FAM162A: variants seen among roughly 807,000 people sequenced by gnomAD.
The protein encoded by FAM162A is family with sequence similarity 162 member A.
A neutral mutation model predicts 21.8 loss-of-function variants in FAM162A; 23 were observed. That is an observed-to-expected ratio of 1.05 (90% CI 0.76 to 1.49). The LOEUF is 1.49. FAM162A is among the 40% of genes most tolerant of loss of function. The probability of loss-of-function intolerance (pLI) is 0.00; values close to 1 mark genes in which losing one functional copy is unlikely to be tolerated. For missense variants in FAM162A, 165 were observed against 186.4 expected, an observed-to-expected ratio of 0.89 and a Z score of 0.67; for synonymous variants, 53 against 61.3, an observed-to-expected ratio of 0.86 and a Z score of 0.64.
At chr3:122,389,461 G>A (rs2075590879) in intron 1 of FAM162A, among the ~76,000 whole-genome samples, 1 of 150,338 alleles carries the variant, frequency 6.7e-6, no homozygotes, top group South Asian at 2.1e-4. Context: ...GAAACTTAAA[G>A]GGGTTCATAC....
intron 3 of FAM162A, among the ~76,000 whole-genome samples, chr3:122,406,786 A>C (rs2075677898): frequency 6.6e-6 from 1 of 152,244 alleles, no homozygotes; most frequent in African/African-American, 2.4e-5. Context: ...ATGTTTGATC[A>C]TTCTGAATTG....
intron 1 of FAM162A, among the ~76,000 whole-genome samples, chr3:122,399,761 C>G (rs985040721): frequency 2.0e-5 from 3 of 152,132 alleles, no homozygotes; most frequent in Non-Finnish European, 4.4e-5. Flanking sequence ...TCTAAGTGTT[C>G]CTTTTTCTCT....
chr3:122,388,876 T>C (rs2075586609), intron 1 of FAM162A, among the ~76,000 whole-genome samples: 1 of 152,054 alleles, frequency 6.6e-6, no homozygotes, highest in Non-Finnish European at 1.5e-5. Context: ...GGTGAAACCC[T>C]GTCTCTACTA....
At chr3:122,407,708 A>G in intron 4 of FAM162A, 1 of 403,764 alleles carries the variant, frequency 2.5e-6, no homozygotes, top group Non-Finnish European at 4.4e-6. Flanking sequence ...TTAATCACCC[A>G]CTGCATATTT....
chr3:122,399,403 G>A (rs375133464), intron 1 of FAM162A, among the ~76,000 whole-genome samples: 19 of 152,034 alleles, frequency 1.2e-4, no homozygotes, highest in East Asian at 5.8e-4. Flanking sequence ...GGCTCACTGC[G>A]ACCTTCGGCT....
chr3:122,385,833 C>T (rs758808776), intron 1 of FAM162A, among the ~76,000 whole-genome samples: 1 of 152,182 alleles, frequency 6.6e-6, no homozygotes, highest in African/African-American at 2.4e-5. Flanking sequence ...TGAGCAACTC[C>T]GCAACAACCT....
At chr3:122,390,547 AT>A (rs34453277) in intron 1 of FAM162A, among the ~76,000 whole-genome samples, 35 of 152,214 alleles carry the variant, frequency 2.3e-4, no homozygotes, top group South Asian at 4.1e-4. Context: ...TGGAAAGGAT[AT>A]TTATGGAAAG....
chr3:122,398,379 T>C (rs1333213464), intron 1 of FAM162A, among the ~76,000 whole-genome samples: 1 of 152,138 alleles, frequency 6.6e-6, no homozygotes, highest in Non-Finnish European at 1.5e-5. Context: ...CTGAACAATC[T>C]TAATATGAAA....
intron 3 of FAM162A, 46 bp from the exon 4 acceptor site, chr3:122,407,235 A>G: frequency 6.5e-7 from 1 of 1,534,954 alleles, no homozygotes; most frequent in Non-Finnish European, 9.0e-7. Flanking sequence ...AACTTCAGAA[A>G]GGGAAAAGTT....
intron 3 of FAM162A, among the ~76,000 whole-genome samples, chr3:122,404,917 G>T (rs1192382015): frequency 3.3e-5 from 5 of 152,140 alleles, no homozygotes; most frequent in Non-Finnish European, 7.3e-5. Flanking sequence ...GATATTTGGG[G>T]CTTGATAATG....
chr3:122,408,942 C>T (rs10511409), intron 4 of FAM162A, among the ~76,000 whole-genome samples: 47,631 of 151,882 alleles, frequency 0.31, 7,526 homozygotes, highest in Middle Eastern at 0.37. Context: ...CTTTTGAACT[C>T]AATGTGATTT....
intron 1 of FAM162A, among the ~76,000 whole-genome samples, chr3:122,391,562 T>C (rs2075604518): frequency 6.6e-6 from 1 of 152,240 alleles, no homozygotes; most frequent in Non-Finnish European, 1.5e-5. Flanking sequence ...CAATATGAAG[T>C]TGTAGTAAGA....
At chr3:122,385,073 A>G (rs966438565) in intron 1 of FAM162A, among the ~76,000 whole-genome samples, 1 of 152,156 alleles carries the variant, frequency 6.6e-6, no homozygotes, top group African/African-American at 2.4e-5. Flanking sequence ...TCTTTTGTTC[A>G]ATGGCACACA....
intron 1 of FAM162A, among the ~76,000 whole-genome samples, chr3:122,397,447 A>G (rs940601036): frequency 5.3e-5 from 8 of 152,208 alleles, no homozygotes; most frequent in Non-Finnish European, 4.4e-5. Context: ...ACTGCATTCA[A>G]TACAAGTCTT....
chr3:122,407,831 T>TC (rs990577345), intron 4 of FAM162A: 2 of 188,624 alleles, frequency 1.1e-5, no homozygotes, highest in Non-Finnish European at 2.2e-5. Flanking sequence ...GGGCCATGTG[T>TC]CTAAGGACCA....
At chr3:122,395,418 A>G (rs1458460220) in intron 1 of FAM162A, among the ~76,000 whole-genome samples, 1 of 152,260 alleles carries the variant, frequency 6.6e-6, no homozygotes, top group African/African-American at 2.4e-5. Flanking sequence ...ATGCAAGATA[A>G]ATGGGCAATA....
In FAM162A at chr3:122,402,741, AT is replaced by A; in HGVS notation, c.35-15del. The A allele has an allele frequency of 2.0e-6, 3 of 1,499,546 alleles. No homozygotes were observed. The highest frequency in any genetic ancestry group is 1.4e-5 in the South Asian group (1 of 71,106). 92.9% of individuals were successfully genotyped at this position (1,499,546 alleles called of 1,614,324 possible). On this transcript the variant is annotated intron_variant, in intron 1 of 4. Transcript: ENST00000477892. ...TTTTCTTTCTTTCTTTCTTTGAAAC[AT>A]TTTCCTCTCTTTTTTAGGAAGCTGT...
At chr3:122,392,421 A>G (rs1469903967) in intron 1 of FAM162A, among the ~76,000 whole-genome samples, 2 of 152,242 alleles carry the variant, frequency 1.3e-5, no homozygotes, top group Non-Finnish European at 2.9e-5. Flanking sequence ...TAATAGTTGC[A>G]CAGCAGTGTA....
intron 1 of FAM162A, among the ~76,000 whole-genome samples, chr3:122,399,826 A>C (rs937676599): frequency 2.6e-5 from 4 of 152,134 alleles, no homozygotes; most frequent in African/African-American, 9.7e-5. Flanking sequence ...CATTCTGGCC[A>C]GGCACGGTGG....
Sources: allele counts gnomAD v4.1 joint callset (sites outside exome capture counted in the v4.1 genomes callset), GRCh38; gene constraint gnomAD v4.1.1; transcripts MANE v1.5; gene names NCBI Gene and HGNC (gene_info 2026-07-23, HGNC 2026-07-21).